The following BICRA variants were observed in gnomAD, a reference collection of about 807,000 sequenced individuals.
BICRA encodes BRD4 interacting chromatin remodeling complex associated protein.
In BICRA, 31 loss-of-function variants were observed where a neutral mutation model predicts 96.9. That is an observed-to-expected ratio of 0.32 (90% confidence interval 0.24 to 0.43). BICRA has a LOEUF of 0.43. BICRA is among the 20% of genes least tolerant of loss of function. The pLI is 1.00. For missense variants in BICRA, 2,283 were observed against 2,190.3 expected, an observed-to-expected ratio of 1.04 and a Z score of -0.84; for synonymous variants, 1,350 against 1,071.8, an observed-to-expected ratio of 1.26 and a Z score of -5.07.
At position 47,675,796 on chromosome 19, in the gene BICRA, A is replaced by C. The variant is rs1972931200; in HGVS notation, c.85-55A>C. On this transcript the variant is annotated intron_variant, in intron 4 of 14. Coordinates refer to ENST00000594866, the MANE Select transcript of BICRA (RefSeq NM_001394372.1). The surrounding 1 kb of genome is among the most constrained non-coding windows in gnomAD (Gnocchi z 4.7). ...GACCCTAAATTGGTTTCTGCTCCAG[A>C]GCATGGGCCTGCCCTGCTGACTTTT... The C allele has an allele frequency of 1.3e-5, 18 of 1,414,384 alleles. No individual in the cohort carries two copies. The highest frequency in any genetic ancestry group is 1.9e-5 in the Admixed American group (1 of 53,884). The allele number at this position is 1,414,384 out of a possible 1,614,324, so 87.6% of individuals were successfully genotyped here. A position where few individuals can be genotyped will look rare whatever the true frequency, so the allele number is the denominator to read the frequency against.
Position 47,679,346 on chromosome 19 carries a change from A to C in BICRA, c.176A>C (p.Asn59Thr). ...CTCCATGTGCAAGAAGCTTCCGGCA[A>C]CCACCTGAACCCAGAGCCCAACCAG... ...PGLHVQEASG[N>T]HLNPEPNQPA... The change falls in exon 6 of 15, where the codon AAC becomes ACC. Residue 59 changes from asparagine (N) to threonine (T), a missense_variant. Coordinates refer to ENST00000594866, the MANE Select transcript of BICRA (RefSeq NM_001394372.1). 1 of 1,424,328 alleles carries C rather than the reference A, an allele frequency of 7.0e-7. No individual in the cohort carries two copies. Among genetic ancestry groups the C allele is most frequent in the Non-Finnish European group, 9.2e-7 (1 of 1,087,698 alleles). The allele number at this position is 1,424,328 out of a possible 1,614,324, so 88.2% of individuals were successfully genotyped here. A position where few individuals can be genotyped will look rare whatever the true frequency, so the allele number is the denominator to read the frequency against.
At position 47,694,912 on chromosome 19, in the gene BICRA, A is replaced by G. The variant is rs2123607288; in HGVS notation, c.2908A>G (p.Ile970Val). The change falls in exon 9 of 15, where the codon ATC becomes GTC. Residue 970 changes from isoleucine (I) to valine (V), a missense_variant. Ile to Val is a conservative substitution (Grantham distance 29). Transcript: ENST00000594866. ...LERFHQVPSG[I>V]ILQNKAGGAP... ...GTCCCCTCCTCAGGTGCCGTCCGGAATCATCCTCCAGAACAAGGCTGGGGG... is the reference window on the plus strand; with the variant it reads ...GTCCCCTCCTCAGGTGCCGTCCGGAGTCATCCTCCAGAACAAGGCTGGGGG... The G allele has an allele frequency of 6.6e-7, 1 of 1,518,096 alleles. No individual in the cohort carries two copies. The allele number at this position is 1,518,096 out of a possible 1,614,324, so 94.0% of individuals were successfully genotyped here. A position where few individuals can be genotyped will look rare whatever the true frequency, so the allele number is the denominator to read the frequency against.
At position 47,675,853 on chromosome 19, in the gene BICRA, T is replaced by C. The variant is rs1030545990; in HGVS notation, c.87T>C (p.Leu29=). ...GGATGGGGCGGGTCTTGTTGCAGCT[T>C]GACAGTGATGACCTCCTGGATAATC... ...LNDFLHGSEK[L]DSDDLLDNPG... Residue 29 remains leucine, a splice_region_variant and synonymous_variant, in exon 5 of 15, where the codon CTT becomes CTC. Transcript: ENST00000594866. This position sits in a 1 kb window ranked among gnomAD's most constrained non-coding sequence, Gnocchi z 4.7. 7 of 1,604,596 alleles carry C rather than the reference T, an allele frequency of 4.4e-6. No homozygotes were observed. Among genetic ancestry groups the C allele is most frequent in the Non-Finnish European group, 6.0e-6 (7 of 1,174,518 alleles).
At position 47,673,700 on chromosome 19, in the gene BICRA, C is replaced by G. The variant is rs1972900072; in HGVS notation, c.42-20C>G. ...CCCCAGCTCCTTACCTCCTCAGCGT[C>G]TCTTCCTCTTCTCTTCCAGTGACCC... On this transcript the variant is annotated intron_variant, in intron 3 of 14. Transcript: ENST00000594866. 6.2e-7 allele frequency: 1 copy of G among 1,608,758 alleles called. No individual in the cohort carries two copies.
At chr19:47,696,539 C>A in intron 11 of BICRA, 27 bp downstream of exon 11, 2 of 1,579,774 alleles carry the variant, frequency 1.3e-6, no homozygotes, top group Non-Finnish European at 8.6e-7. Context: ...TCCTTGCATG[C>A]CTGCCCTGTA....
chr19:47,631,354 A>G (rs1396754774), intron 1 of BICRA, among the ~76,000 whole-genome samples: 1 of 152,084 alleles, frequency 6.6e-6, no homozygotes, highest in African/African-American at 2.4e-5. Flanking sequence ...CAGCCTTCTC[A>G]GTAGCTGGGA....
chr19:47,690,407 T>C (rs1035130892), intron 7 of BICRA, among the ~76,000 whole-genome samples: 10 of 152,350 alleles, frequency 6.6e-5, no homozygotes, highest in Non-Finnish European at 1.2e-4. Context: ...TAGCTACTGC[T>C]GAATTGCGTT....
chr19:47,661,168 C>T (rs958954082), intron 1 of BICRA, among the ~76,000 whole-genome samples: 1 of 137,480 alleles, frequency 7.3e-6, no homozygotes, highest in Non-Finnish European at 1.5e-5. Context: ...GAGCTGAAAT[C>T]ACGCCACTGC....
intron 9 of BICRA, 23 bp from the exon 10 acceptor site, chr19:47,695,342 T>TCGGGGGGCCCCCCCCC: frequency 1.6e-6 from 1 of 630,190 alleles, no homozygotes; most frequent in Non-Finnish European, 2.8e-6. Context: ...AGGCCCTGTC[T>TCGGGGGGCCCCCCCCC]CCCCCACCCC....
chr19:47,614,989 T>G (rs190318955), intron 1 of BICRA, among the ~76,000 whole-genome samples: 5 of 152,272 alleles, frequency 3.3e-5, no homozygotes, highest in Admixed American at 3.3e-4. Context: ...TTGCATCTTT[T>G]TTTATTTTTT....
chr19:47,672,903 G>A (rs143696776), intron 2 of BICRA, among the ~76,000 whole-genome samples: 306 of 152,038 alleles, frequency 2.0e-3, no homozygotes, highest in African/African-American at 6.9e-3. Context: ...GACTCAGAGC[G>A]CCCCTCCTCA....
At position 47,701,638 on chromosome 19, in the gene BICRA, C is replaced by T. The variant is rs777797255; in HGVS notation, c.3906C>T (p.Ala1302=). The T allele has an allele frequency of 4.4e-6, 7 of 1,589,038 alleles. No homozygotes were observed. In the African/African-American group the frequency reaches 5.4e-5, roughly 12 times the overall value. Reference sequence around the variant, plus strand: ...GCCCGCCCATCAAGACCTACGAGGCCCGGAGCCGCATCGGGCTCAAGCTCA... The same window carrying T: ...GCCCGCCCATCAAGACCTACGAGGCTCGGAGCCGCATCGGGCTCAAGCTCA... ...RNRPPIKTYE[A]RSRIGLKLKI... The change falls in exon 15 of 15, where the codon GCC becomes GCT. Residue 1302 remains alanine (A), a synonymous_variant. Coordinates refer to ENST00000594866, the MANE Select transcript of BICRA (RefSeq NM_001394372.1). This position sits in a 1 kb window ranked among gnomAD's most constrained non-coding sequence, Gnocchi z 5.4.
intron 1 of BICRA, among the ~76,000 whole-genome samples, chr19:47,634,764 T>C (rs548195517): frequency 6.9e-6 from 1 of 145,534 alleles, no homozygotes; most frequent in Non-Finnish European, 1.5e-5. Flanking sequence ...AAATTTTTTT[T>C]TTTTTTTTTT....
At chr19:47,641,070 ATTTTTT>A (rs71180861) in intron 1 of BICRA, among the ~76,000 whole-genome samples, 21 of 104,524 alleles carry the variant, frequency 2.0e-4, no homozygotes, top group Admixed American at 2.2e-4. Flanking sequence ...TGCCTGGCTA[ATTTTTT>A]TTTTTTTTTT....
rs555087567 is a variant in BICRA at position 47,646,960 on chromosome 19, C to G, written c.-107-23483C>G. On this transcript the variant is annotated intron_variant, in intron 1 of 14. Transcript: ENST00000594866. ...AGCCATCATCCCCACTCCTTCTCCC[C>G]CTCCCAGCCTCCAGCAACCACAAGT... 1.5e-3 allele frequency among the ~76,000 whole-genome samples: 225 copies of G among 152,298 alleles called. 1 individual carries two copies. Among genetic ancestry groups the G allele is most frequent in the African/African-American group, 5.1e-3 (212 of 41,566 alleles).
chr19:47,694,399 C>A lies in BICRA; in HGVS notation c.2568C>A (p.Gly856=). 9.4e-7 allele frequency: 1 copy of A among 1,058,268 alleles called. No individual in the cohort carries two copies. Among genetic ancestry groups the A allele is most frequent in the Non-Finnish European group, 1.4e-6 (1 of 697,706 alleles). 65.6% of individuals were successfully genotyped at this position (1,058,268 alleles called of 1,614,324 possible). The part of the protein sequence containing the change: ...PASNPAPTAP[G]PPQPPLRPQS... ...GCAACCCGGCCCCTACTGCCCCAGG[C>A]CCGCCGCAGCCGCCTCTCCGCCCCC... Residue 856 remains glycine, a synonymous_variant, in exon 8 of 15, where the codon GGC becomes GGA. Coordinates refer to ENST00000594866, the MANE Select transcript of BICRA (RefSeq NM_001394372.1).
chr19:47,669,853 T>TTGC (rs1972837265), intron 1 of BICRA, among the ~76,000 whole-genome samples: 1 of 151,858 alleles, frequency 6.6e-6, no homozygotes, highest in Non-Finnish European at 1.5e-5. Context: ...AGACCGGGTT[T>TTGC]CACCGGGTTA....
Position 47,696,364 on chromosome 19 carries a change from G to A in BICRA, c.3187-87G>A, listed in dbSNP as rs139672549. ...GGGTGAGACACTGGTCCCCTGTCCC[G>A]TCTTTATCCTAGGCTAGAGGGGAAG... On this transcript the variant is annotated intron_variant, in intron 10 of 14. Transcript: ENST00000594866. 1,330 of 1,270,178 alleles carry A rather than the reference G, an allele frequency of 1.0e-3. 13 individuals are homozygous for A. In the East Asian group the frequency reaches 0.014, roughly 13 times the overall value. The allele number at this position is 1,270,178 out of a possible 1,614,324, so 78.7% of individuals were successfully genotyped here.
Position 47,634,437 on chromosome 19 carries a change from A to T in BICRA, c.-108+25269A>T, listed in dbSNP as rs149560435. Among the ~76,000 whole-genome samples the T allele has an allele frequency of 4.9e-4, 75 of 152,292 alleles. No homozygotes were observed. In the East Asian group the frequency reaches 0.013, roughly 27 times the overall value. On this transcript the variant is annotated intron_variant, in intron 1 of 14. Transcript: ENST00000594866. ...TGAAAGTGGCCAGGTAGAGGAAGGAATTCAGAAAGAGTGCGCCAGAAGGGG... is the reference window on the plus strand; with the variant it reads ...TGAAAGTGGCCAGGTAGAGGAAGGATTTCAGAAAGAGTGCGCCAGAAGGGG...
Sources: allele counts gnomAD v4.1 joint callset (sites outside exome capture counted in the v4.1 genomes callset), GRCh38; gene constraint gnomAD v4.1.1; non-coding constraint Gnocchi (gnomAD v3.1); transcripts MANE v1.5; gene names NCBI Gene and HGNC (gene_info 2026-07-23, HGNC 2026-07-21).